CTNNA3: variants seen among roughly 807,000 people sequenced by gnomAD.
CTNNA3 encodes catenin alpha 3.
Under a neutral mutation model 95.7 loss-of-function variants are expected in CTNNA3, and 76 were observed. That is an observed-to-expected ratio of 0.79 (90% confidence interval 0.66 to 0.96). The LOEUF (loss-of-function observed/expected upper bound fraction) is 0.96. Ranked by LOEUF, CTNNA3 falls within the 40% of genes least tolerant of loss-of-function variation. The pLI is 0.00. For missense variants in CTNNA3, 1,191 were observed against 1,089.8 expected, an observed-to-expected ratio of 1.09 and a Z score of -1.31; for synonymous variants, 431 against 374.4, an observed-to-expected ratio of 1.15 and a Z score of -1.74.
chr10:66,442,235 C>T (rs74955551), intron 11 of CTNNA3, among the ~76,000 whole-genome samples: 2 of 152,042 alleles, frequency 1.3e-5, no homozygotes, highest in African/African-American at 2.4e-5. Flanking sequence ...AGGTTATATG[C>T]CAATAGTACA....
chr10:66,048,730 C>T (rs895827424), intron 15 of CTNNA3, among the ~76,000 whole-genome samples: 1 of 152,088 alleles, frequency 6.6e-6, no homozygotes, highest in African/African-American at 2.4e-5. Flanking sequence ...CACTGCACTC[C>T]AGTCTGGGCG....
intron 5 of CTNNA3, among the ~76,000 whole-genome samples, chr10:67,501,242 G>T (rs1564696539): frequency 6.6e-6 from 1 of 152,288 alleles, no homozygotes; most frequent in East Asian, 1.9e-4. Context: ...GGCTGGATAT[G>T]AAATTCTGGG....
chr10:67,538,114 T>C (rs973566597), intron 4 of CTNNA3, among the ~76,000 whole-genome samples: 1 of 143,082 alleles, frequency 7.0e-6, no homozygotes, highest in Non-Finnish European at 1.5e-5. Flanking sequence ...TCAACAGCTG[T>C]TGGTGATGAC....
intron 17 of CTNNA3, among the ~76,000 whole-genome samples, chr10:65,948,087 C>T (rs2077547750): frequency 6.6e-6 from 1 of 152,068 alleles, no homozygotes; most frequent in Non-Finnish European, 1.5e-5. Flanking sequence ...ATCATCCTGG[C>T]TAACACGGTG....
chr10:67,700,720 T>C (rs1230409072), upstream of CTNNA3, among the ~76,000 whole-genome samples: 1 of 151,978 alleles, frequency 6.6e-6, no homozygotes, highest in African/African-American at 2.4e-5. Flanking sequence ...GCAGAGCGCC[T>C]CTCCTCCTCC....
intron 15 of CTNNA3, among the ~76,000 whole-genome samples, chr10:66,036,517 G>A (rs766339915): frequency 2.0e-5 from 3 of 152,062 alleles, no homozygotes; most frequent in African/African-American, 4.8e-5. Context: ...TGGGATTACA[G>A]GCATGTACCA....
rs1375648370 is a variant in CTNNA3, at chr10:66,054,499, T to C, written c.2159+14809A>G. 2.6e-5 allele frequency among the ~76,000 whole-genome samples: 4 copies of C among 152,216 alleles called. No individual in the cohort carries two copies. The East Asian group carries it at 7.7e-4, about 29-fold the overall frequency. ...TAGTGATATGGAGCATCTTTTCATA[T>C]ACCAGTTTGCCATTTGTATGTATCC... is the stretch of plus-strand genomic sequence containing the variant. On this transcript the variant is annotated intron_variant, in intron 15 of 17. Transcript: ENST00000433211.
chr10:65,971,485 G>C (rs979184193), intron 16 of CTNNA3, among the ~76,000 whole-genome samples: 1 of 149,252 alleles, frequency 6.7e-6, no homozygotes, highest in Non-Finnish European at 1.5e-5. Context: ...AGTTATAAAA[G>C]TGACATTGCA....
At chr10:66,527,833 A>G (rs369616754) in intron 10 of CTNNA3, among the ~76,000 whole-genome samples, 151 of 152,230 alleles carry the variant, frequency 9.9e-4, no homozygotes, top group African/African-American at 3.5e-3. Flanking sequence ...GTGTGTGTAT[A>G]ATCTTCAGGA....
intron 15 of CTNNA3, among the ~76,000 whole-genome samples, chr10:66,056,705 G>A (rs551503187): frequency 7.7e-4 from 117 of 152,196 alleles, no homozygotes; most frequent in South Asian, 2.9e-3. Flanking sequence ...CTCAATACTT[G>A]TTATTTGTCT....
At chr10:66,115,732 A>G (rs1341726447) in intron 13 of CTNNA3, among the ~76,000 whole-genome samples, 1 of 152,186 alleles carries the variant, frequency 6.6e-6, no homozygotes, top group Admixed American at 6.5e-5. Context: ...TTACATTTGC[A>G]AAGTAATCCT....
intron 9 of CTNNA3, among the ~76,000 whole-genome samples, chr10:66,738,393 T>C (rs187732171): frequency 7.0e-4 from 107 of 152,356 alleles, no homozygotes; most frequent in Middle Eastern, 3.4e-3. Flanking sequence ...TAATTTTCCT[T>C]CTCATCCCAT....
At chr10:67,044,464 G>A (rs2133159194) in intron 7 of CTNNA3, among the ~76,000 whole-genome samples, 1 of 152,098 alleles carries the variant, frequency 6.6e-6, no homozygotes, top group South Asian at 2.1e-4. Context: ...AAAATGGATT[G>A]TCTAAAATTT....
At chr10:67,097,903 T>C in intron 7 of CTNNA3, 1 of 944,110 alleles carries the variant, frequency 1.1e-6, no homozygotes. Flanking sequence ...AAACACAAAA[T>C]CCCCTGTTCA....
In CTNNA3 at chr10:66,540,484, A is replaced by G. The variant is rs556837782; in HGVS notation, c.1375-19711T>C. On this transcript the variant is annotated intron_variant, in intron 10 of 17. Transcript: ENST00000433211. ...TGCTATCTTGGACAGAAAAGAAACA[A>G]AACAGTTTCTGTAATGAGTCAAAAA... Among the ~76,000 whole-genome samples the G allele has an allele frequency of 3.9e-5, 6 of 152,300 alleles. No individual in the cohort carries two copies. In the South Asian group the frequency reaches 1.2e-3, roughly 32 times the overall value.
chr10:67,505,813 G>A (rs1165330463), intron 5 of CTNNA3, among the ~76,000 whole-genome samples: 2 of 152,096 alleles, frequency 1.3e-5, no homozygotes, highest in African/African-American at 4.8e-5. Context: ...TTATAATGGA[G>A]TAGATGATAA....
At chr10:66,240,204 A>G (rs979054991) in intron 13 of CTNNA3, among the ~76,000 whole-genome samples, 2 of 151,970 alleles carry the variant, frequency 1.3e-5, no homozygotes, top group Admixed American at 6.6e-5. Flanking sequence ...TTTTCTTAGG[A>G]AACTCCAGGA....
intron 2 of CTNNA3, among the ~76,000 whole-genome samples, chr10:67,626,736 C>T (rs1404963827): frequency 1.3e-5 from 2 of 152,008 alleles, no homozygotes; most frequent in African/African-American, 4.8e-5. Context: ...ATCTATTTGA[C>T]TTTTGTATAC....
At chr10:66,342,792 T>C (rs1166309925) in intron 12 of CTNNA3, among the ~76,000 whole-genome samples, 1 of 152,134 alleles carries the variant, frequency 6.6e-6, no homozygotes, top group Non-Finnish European at 1.5e-5. Flanking sequence ...TCTTCTTCAA[T>C]ATTCTGAATT....
Sources: gnomAD v4.1 joint callset for allele counts (sites outside exome capture counted in the v4.1 genomes callset) on GRCh38, gnomAD v4.1.1 for gene constraint, MANE v1.5 for transcripts, NCBI Gene and HGNC (gene_info 2026-07-23, HGNC 2026-07-21) for gene names.